The following KDM5B variants were observed in gnomAD, a reference collection of about 807,000 sequenced individuals.
KDM5B encodes the protein lysine demethylase 5B, also known as lysine-specific demethylase 5B.
In KDM5B, 144 loss-of-function variants were observed where a neutral mutation model predicts 193.4. The observed-to-expected ratio is 0.74, with a 90% CI of 0.65 to 0.86. The LOEUF (loss-of-function observed/expected upper bound fraction) is 0.86, where lower values mean the gene tolerates loss of function less well. Among genes scored for constraint, KDM5B ranks in the 40% least tolerant of loss-of-function variants. The pLI, the probability that KDM5B is intolerant of heterozygous loss-of-function variation, is 0.00. For missense variants in KDM5B, 1,833 were observed against 1,886.9 expected, an observed-to-expected ratio of 0.97 and a Z score of 0.53; for synonymous variants, 668 against 682.6, an observed-to-expected ratio of 0.98 and a Z score of 0.33.
intron 4 of KDM5B, among the ~76,000 whole-genome samples, chr1:202,770,216 T>C (rs780298973): frequency 5.3e-5 from 8 of 152,188 alleles, no homozygotes; most frequent in Non-Finnish European, 1.0e-4. Context: ...AACCTTTACT[T>C]GAGAAACCAG....
At chr1:202,767,244 T>C in intron 4 of KDM5B, 184 bp from the exon 5 acceptor site, 3 of 1,588,976 alleles carry the variant, frequency 1.9e-6, no homozygotes, top group Non-Finnish European at 2.6e-6. Context: ...TTTTAAGCAG[T>C]TGGTGTCTTA....
At chr1:202,729,261 T>G in intron 26 of KDM5B, 88 bp from the exon 27 acceptor site, 3 of 1,477,314 alleles carry the variant, frequency 2.0e-6, no homozygotes, top group East Asian at 2.3e-5. Flanking sequence ...TTCAGGCCGT[T>G]TGCCAATAAC....
In KDM5B at chr1:202,746,280, T is replaced by C; in HGVS notation, c.2060A>G (p.Asp687Gly). 6.2e-7 allele frequency: 1 copy of C among 1,613,050 alleles called. No individual in the cohort carries two copies. The highest frequency in any genetic ancestry group is 8.5e-7 in the Non-Finnish European group (1 of 1,179,596). ...SERMDFELLP[D>G]DERQCVKCKT... is the part of the protein sequence containing the mutation. ...GCATTTTACACACTGACGTTCATCA[T>C]CTGGCAACAGCTCAAAATCCATTCT... The change falls in exon 15 of 27, where the codon GAT (aspartate) becomes GGT (glycine). Residue 687 changes from aspartate to glycine, a missense_variant. Coordinates refer to ENST00000367265, the MANE Select transcript of KDM5B (RefSeq NM_006618.5).
chr1:202,743,361 AAAAC>A (rs1655427930), intron 16 of KDM5B, among the ~76,000 whole-genome samples: 2 of 115,342 alleles, frequency 1.7e-5, no homozygotes, highest in Admixed American at 9.9e-5. Context: ...AAAAAAAAAA[AAAAC>A]ACCTGGCATG....
intron 1 of KDM5B, among the ~76,000 whole-genome samples, chr1:202,789,112 AAC>A (rs888230642): frequency 6.6e-6 from 1 of 152,192 alleles, no homozygotes; most frequent in Non-Finnish European, 1.5e-5. Flanking sequence ...AGGGTCAAGA[AAC>A]GAACAGAAGT....
intron 4 of KDM5B, among the ~76,000 whole-genome samples, chr1:202,770,395 C>T (rs892257900): frequency 2.0e-5 from 3 of 152,168 alleles, no homozygotes; most frequent in Non-Finnish European, 4.4e-5. Context: ...TTACACCCTA[C>T]TTCACCCTTT....
chr1:202,760,322 A>G, intron 8 of KDM5B, 93 bp downstream of exon 8: 2 of 890,142 alleles, frequency 2.2e-6, no homozygotes, highest in Non-Finnish European at 3.3e-6. Flanking sequence ...TCTAAAAAAA[A>G]TAAAATAAAA....
chr1:202,733,944 ACT>A, intron 22 of KDM5B, 58 bp from the exon 23 acceptor site: 1 of 1,546,596 alleles, frequency 6.5e-7, no homozygotes, highest in Non-Finnish European at 8.7e-7. Flanking sequence ...TTCCCCTAAA[ACT>A]CAGAGTCCTA....
chr1:202,752,755 T>G (rs1655842448), intron 12 of KDM5B, 150 bp downstream of exon 12: 1 of 682,304 alleles, frequency 1.5e-6, no homozygotes, highest in East Asian at 2.7e-5. Flanking sequence ...TGAGTAAATG[T>G]ACAGTACTGC....
intron 1 of KDM5B, among the ~76,000 whole-genome samples, chr1:202,787,286 CAGGTGTG>C (rs1246077599): frequency 6.6e-6 from 1 of 152,024 alleles, no homozygotes; most frequent in Non-Finnish European, 1.5e-5. Context: ...GCTGAGATTA[CAGGTGTG>C]AGCCACCCAT....
chr1:202,733,965 G>A lies in KDM5B; in HGVS notation c.3424-79C>T, dbSNP rs935672915. ...TAAAACTCAGAGTCCTAGTGGTTAA[G>A]AGCATGGGATCCTGAGTAGATCATC... On this transcript the variant is annotated intron_variant, in intron 22 of 26. Transcript: ENST00000367265. The A allele has an allele frequency of 6.0e-6, 9 of 1,494,010 alleles. No individual in the cohort carries two copies. In the African/African-American group the frequency reaches 8.4e-5, roughly 14 times the overall value. The allele number at this position is 1,494,010 out of a possible 1,614,324, so 92.5% of individuals were successfully genotyped here.
In KDM5B at chr1:202,730,047, G is replaced by A; in HGVS notation, c.4177-20C>T. 1.9e-6 allele frequency: 3 copies of A among 1,583,434 alleles called. No homozygotes were observed. Among genetic ancestry groups the A allele is most frequent in the South Asian group, 2.3e-5 (2 of 86,590 alleles). ...GTCATTCTGGGTGGAAGATAGGAAAGTTCAATTTTCGCCTATGGGTCACCT... is the reference window on the plus strand; with the variant it reads ...GTCATTCTGGGTGGAAGATAGGAAAATTCAATTTTCGCCTATGGGTCACCT... On this transcript the variant is annotated intron_variant, in intron 25 of 26. Coordinates refer to ENST00000367265, the MANE Select transcript of KDM5B (RefSeq NM_006618.5).
intron 16 of KDM5B, among the ~76,000 whole-genome samples, chr1:202,743,360 A>C (rs1246972932): frequency 1.5e-4 from 18 of 120,280 alleles, no homozygotes; most frequent in Non-Finnish European, 3.0e-4. Flanking sequence ...AAAAAAAAAA[A>C]AAAACACCTG....
chr1:202,733,358 C>G (rs1218321481), intron 23 of KDM5B, 43 bp downstream of exon 23: 4 of 1,591,194 alleles, frequency 2.5e-6, no homozygotes, highest in Non-Finnish European at 3.4e-6. Context: ...AGGTACAGAG[C>G]TTTGCAAATT....
chr1:202,790,828 G>C (rs1294912091), intron 1 of KDM5B, among the ~76,000 whole-genome samples: 4 of 152,122 alleles, frequency 2.6e-5, no homozygotes, highest in African/African-American at 9.7e-5. Context: ...GCACCATCTT[G>C]AAAGTGGAGA....
chr1:202,749,352 T>TG (rs372493603), intron 13 of KDM5B, among the ~76,000 whole-genome samples: 16 of 152,250 alleles, frequency 1.1e-4, no homozygotes, highest in African/African-American at 3.9e-4. Context: ...GTCTAAGAAT[T>TG]GGAGACCAGC....
chr1:202,795,647 T>C (rs1339280529), intron 1 of KDM5B, among the ~76,000 whole-genome samples: 1 of 147,210 alleles, frequency 6.8e-6, no homozygotes, highest in African/African-American at 2.5e-5. Context: ...CAAGACTCCA[T>C]CTCAAAAAAA....
At chr1:202,742,568 G>A (rs568796068) in intron 17 of KDM5B, 63 bp from the exon 18 acceptor site, 68 of 1,598,230 alleles carry the variant, frequency 4.3e-5, no homozygotes, top group Non-Finnish European at 5.3e-5. Context: ...ACACCCAGGT[G>A]GTCACAGAAA....
intron 1 of KDM5B, among the ~76,000 whole-genome samples, chr1:202,795,039 C>T (rs1412866204): frequency 1.3e-5 from 2 of 150,962 alleles, no homozygotes; most frequent in Admixed American, 6.6e-5. Context: ...ATGGTAAAAC[C>T]CCCAACTCTA....
Sources: allele counts gnomAD v4.1 joint callset (sites outside exome capture counted in the v4.1 genomes callset), GRCh38; gene constraint gnomAD v4.1.1; transcripts MANE v1.5; gene names NCBI Gene and HGNC (gene_info 2026-07-23, HGNC 2026-07-21).